The following ERBB4 variants were observed in gnomAD, a reference collection of about 807,000 sequenced individuals.
The protein encoded by ERBB4 is receptor tyrosine-protein kinase erbB-4.
ERBB4 carries 42 observed loss-of-function variants against 158.0 expected under a neutral mutation model. That is an observed-to-expected ratio of 0.27 (90% CI 0.21 to 0.34). The LOEUF is 0.34. Ranked by LOEUF, ERBB4 falls within the 10% of genes least tolerant of loss-of-function variation. The pLI, the probability that ERBB4 is intolerant of heterozygous loss-of-function variation, is 1.00. For missense variants in ERBB4, 1,333 were observed against 1,624.1 expected, an observed-to-expected ratio of 0.82 and a Z score of 3.08; for synonymous variants, 583 against 558.7, an observed-to-expected ratio of 1.04 and a Z score of -0.61.
chr2:212,368,833 A>C (rs2089985176), intron 1 of ERBB4, among the ~76,000 whole-genome samples: 1 of 152,100 alleles, frequency 6.6e-6, no homozygotes, highest in Admixed American at 6.6e-5. Context: ...TCCACACCTG[A>C]GTTGGAAGAC....
At chr2:212,136,362 T>A (rs1471090873) in intron 1 of ERBB4, among the ~76,000 whole-genome samples, 2 of 152,194 alleles carry the variant, frequency 1.3e-5, no homozygotes, top group Non-Finnish European at 2.9e-5. Context: ...AGGCACTATC[T>A]AGGGTAAATG....
intron 1 of ERBB4, among the ~76,000 whole-genome samples, chr2:212,239,204 C>A (rs996165700): frequency 6.6e-6 from 1 of 152,136 alleles, no homozygotes; most frequent in East Asian, 1.9e-4. Flanking sequence ...TGCCATCATG[C>A]CTGGCTATAT....
intron 3 of ERBB4, among the ~76,000 whole-genome samples, chr2:211,844,449 A>G (rs922742990): frequency 6.6e-6 from 1 of 152,104 alleles, no homozygotes; most frequent in African/African-American, 2.4e-5. Flanking sequence ...AAATATCTCA[A>G]CTCTGATAAA....
At chr2:211,388,127 T>TC in intron 25 of ERBB4, 135 bp from the exon 26 acceptor site, 1 of 718,468 alleles carries the variant, frequency 1.4e-6, no homozygotes, top group Non-Finnish European at 2.5e-6. Context: ...CAGTGAAGCT[T>TC]CCTAAGCAGC....
At chr2:212,121,552 TA>T in intron 2 of ERBB4, among the ~76,000 whole-genome samples, 1 of 152,330 alleles carries the variant, frequency 6.6e-6, no homozygotes, top group South Asian at 2.1e-4. Context: ...TTACTCTTTT[TA>T]ATCTCCATTG....
intron 3 of ERBB4, among the ~76,000 whole-genome samples, chr2:211,849,042 A>G (rs1324964100): frequency 2.0e-5 from 3 of 152,086 alleles, no homozygotes; most frequent in Non-Finnish European, 4.4e-5. Flanking sequence ...ACTATTTTTT[A>G]AATCCCTGCT....
At chr2:212,022,667 A>C (rs2076681260) in intron 2 of ERBB4, among the ~76,000 whole-genome samples, 1 of 152,126 alleles carries the variant, frequency 6.6e-6, no homozygotes, top group South Asian at 2.1e-4. Context: ...CACATCCTGC[A>C]CGTGTACCCC....
In ERBB4 at chr2:211,382,763, A is replaced by G. The variant is rs2125305317; in HGVS notation, c.*852T>C. On this transcript the variant is annotated 3_prime_UTR_variant, in exon 28 of 28. Coordinates refer to ENST00000342788, the MANE Select transcript of ERBB4 (RefSeq NM_005235.3). ...AAAAATGTAAAGGATGAGGGTGAAG[A>G]TAATTTGATAGCATGAAAAATATTA... 4.3e-6 allele frequency: 1 copy of G among 232,766 alleles called. No individual in the cohort carries two copies. The highest frequency in any genetic ancestry group is 8.5e-6 in the Non-Finnish European group (1 of 117,756). 14.4% of individuals were successfully genotyped at this position (232,766 alleles called of 1,614,324 possible).
intron 25 of ERBB4, among the ~76,000 whole-genome samples, chr2:211,400,742 G>GTAATT (rs2063021516): frequency 6.6e-6 from 1 of 151,694 alleles, no homozygotes; most frequent in Non-Finnish European, 1.5e-5. Context: ...ATAGTCAATA[G>GTAATT]TAATTTAGCT....
intron 3 of ERBB4, among the ~76,000 whole-genome samples, chr2:211,849,557 T>C (rs2077668301): frequency 6.6e-6 from 1 of 151,980 alleles, no homozygotes; most frequent in African/African-American, 2.4e-5. Flanking sequence ...TGGTGCTAAC[T>C]CTTAGATTTC....
chr2:212,492,314 G>A (rs1381848189), intron 1 of ERBB4, among the ~76,000 whole-genome samples: 1 of 151,094 alleles, frequency 6.6e-6, no homozygotes, highest in African/African-American at 2.4e-5. Flanking sequence ...ATATCATACA[G>A]TGCTTAATGA....
chr2:211,939,615 T>C (rs952026293), intron 3 of ERBB4, among the ~76,000 whole-genome samples: 1 of 152,036 alleles, frequency 6.6e-6, no homozygotes, highest in Non-Finnish European at 1.5e-5. Context: ...ACTATAGACA[T>C]CTGTCAAAAA....
At chr2:211,757,252 A>G (rs1429017303) in intron 4 of ERBB4, among the ~76,000 whole-genome samples, 2 of 152,170 alleles carry the variant, frequency 1.3e-5, no homozygotes, top group East Asian at 3.9e-4. Flanking sequence ...TAATTTGAAA[A>G]CTAAGTATAA....
At chr2:212,291,539 G>T (rs2086206748) in intron 1 of ERBB4, among the ~76,000 whole-genome samples, 1 of 151,966 alleles carries the variant, frequency 6.6e-6, no homozygotes, top group Non-Finnish European at 1.5e-5. Flanking sequence ...CATCACAGGT[G>T]CCATTTAGTT....
At chr2:211,773,624 A>ATATAT (rs2075782000) in intron 4 of ERBB4, among the ~76,000 whole-genome samples, 1 of 73,978 alleles carries the variant, frequency 1.4e-5, no homozygotes, top group African/African-American at 5.9e-5. Context: ...ATATATATAT[A>ATATAT]TATATATATA....
chr2:211,931,879 G>T (rs1243405372), intron 3 of ERBB4, among the ~76,000 whole-genome samples: 2 of 152,006 alleles, frequency 1.3e-5, no homozygotes, highest in African/African-American at 4.8e-5. Context: ...AAGAAAAGTG[G>T]ACACAAGAAG....
chr2:211,684,994 G>T (rs973407459), intron 12 of ERBB4, among the ~76,000 whole-genome samples: 9 of 152,138 alleles, frequency 5.9e-5, no homozygotes, highest in Admixed American at 5.2e-4. Flanking sequence ...CAGAATATTT[G>T]TATATTACTG....
intron 2 of ERBB4, among the ~76,000 whole-genome samples, chr2:211,983,802 A>T (rs554226104): frequency 1.8e-4 from 27 of 152,282 alleles, no homozygotes; most frequent in African/African-American, 6.3e-4. Flanking sequence ...AAGAATAGAG[A>T]TCTGCTACAA....
At chr2:212,251,227 A>G (rs16848095) in intron 1 of ERBB4, among the ~76,000 whole-genome samples, 9,595 of 152,100 alleles carry the variant, frequency 0.063, 359 homozygotes, top group Non-Finnish European at 0.082. Flanking sequence ...ATTTACAAAA[A>G]TGCTCTTATT....
Sources: allele counts gnomAD v4.1 joint callset (sites outside exome capture counted in the v4.1 genomes callset), GRCh38; gene constraint gnomAD v4.1.1; transcripts MANE v1.5; gene names NCBI Gene and HGNC (gene_info 2026-07-23, HGNC 2026-07-21).